The following GARRE1 variants were observed in gnomAD, a reference collection of about 807,000 sequenced individuals.
GARRE1 encodes granule associated Rac and RHOG effector 1.
A neutral mutation model predicts 103.2 loss-of-function variants in GARRE1; 49 were observed. That is an observed-to-expected ratio of 0.47 (90% CI 0.38 to 0.60). The LOEUF is 0.60. Among genes scored for constraint, GARRE1 ranks in the 20% least tolerant of loss-of-function variants. The probability of loss-of-function intolerance (pLI) is 0.00; values close to 1 mark genes in which losing one functional copy is unlikely to be tolerated. For missense variants in GARRE1, 1,199 were observed against 1,370.5 expected (o/e 0.87, Z 1.98); for synonymous variants, 505 against 532.8 (o/e 0.95, Z 0.72).
intron 2 of GARRE1, among the ~76,000 whole-genome samples, chr19:34,314,184 C>T (rs1017269423): frequency 2.6e-5 from 4 of 151,972 alleles, no homozygotes; most frequent in African/African-American, 9.7e-5. Context: ...CATTTTTTCC[C>T]TGGATGATAT....
At chr19:34,312,255 G>A (rs554164736) in intron 2 of GARRE1, among the ~76,000 whole-genome samples, 2 of 152,298 alleles carry the variant, frequency 1.3e-5, no homozygotes, top group African/African-American at 2.4e-5. Flanking sequence ...GGTAGCAGAC[G>A]TGACTAGAAG....
intron 8 of GARRE1, among the ~76,000 whole-genome samples, chr19:34,335,796 GT>G (rs1362984663): frequency 1.3e-5 from 2 of 152,108 alleles, no homozygotes; most frequent in African/African-American, 4.8e-5. Context: ...AAAGTGCTAG[GT>G]TTACAGGCGT....
intron 1 of GARRE1, among the ~76,000 whole-genome samples, chr19:34,277,903 C>T (rs1392458982): frequency 1.2e-3 from 2 of 1,676 alleles, no homozygotes; most frequent in Non-Finnish European, 3.5e-3. Flanking sequence ...TTGATTTCAC[C>T]CCCCCCCCCC....
Position 34,327,422 on chromosome 19 carries a change from C to A in GARRE1, c.707C>A (p.Ala236Glu). The change falls in exon 4 of 14, where the codon GCG (alanine) becomes GAG (glutamate). Residue 236 changes from alanine to glutamate, a missense_variant and splice_region_variant. Coordinates refer to ENST00000299505, the MANE Select transcript of GARRE1 (RefSeq NM_014686.5). ...TACCAGTTACTATATATGTTACAGG[C>A]GACATCTAGACTAAGAGAAAGAGGC... ...AVRSWRGAAE[A>E]TSRLRERGCD... 2 of 1,613,866 alleles carry A rather than the reference C, an allele frequency of 1.2e-6. No homozygotes were observed. Among genetic ancestry groups the A allele is most frequent in the Non-Finnish European group, 1.7e-6 (2 of 1,179,900 alleles).
intron 1 of GARRE1, among the ~76,000 whole-genome samples, chr19:34,298,488 G>A (rs1308022566): frequency 1.3e-5 from 2 of 151,730 alleles, no homozygotes; most frequent in Admixed American, 6.6e-5. Context: ...CGAGACGGGT[G>A]GATCACCTGA....
At chr19:34,298,048 T>C (rs1434738670) in intron 1 of GARRE1, among the ~76,000 whole-genome samples, 2 of 152,164 alleles carry the variant, frequency 1.3e-5, no homozygotes, top group Non-Finnish European at 2.9e-5. Flanking sequence ...CATTTAATTA[T>C]ATATTCAAAA....
At chr19:34,265,101 T>C (rs935416669) in intron 1 of GARRE1, among the ~76,000 whole-genome samples, 71 of 152,244 alleles carry the variant, frequency 4.7e-4, no homozygotes, top group Admixed American at 3.3e-3. Flanking sequence ...GAGCAAGATA[T>C]TACCTGAAAA....
At chr19:34,261,092 C>G (rs1294448772) in intron 1 of GARRE1, among the ~76,000 whole-genome samples, 2 of 152,178 alleles carry the variant, frequency 1.3e-5, no homozygotes, top group Non-Finnish European at 2.9e-5. Flanking sequence ...AGGGTCTCTC[C>G]CTTGCTTAGC....
In GARRE1 at chr19:34,333,790, C is replaced by G. The variant is rs1166161374; in HGVS notation, c.1350C>G (p.Val450=). The change falls in exon 8 of 14, where the codon GTC becomes GTG. Residue 450 remains valine (V), a synonymous_variant. Coordinates refer to ENST00000299505, the MANE Select transcript of GARRE1 (RefSeq NM_014686.5). ...SLEGSRIVVQ[V]PSTWCLKEDP... Reference sequence around the variant, plus strand: ...AAGGCTCTAGAATCGTGGTTCAAGTCCCATCCACATGGTAACGTGCCTCTT... The same window carrying G: ...AAGGCTCTAGAATCGTGGTTCAAGTGCCATCCACATGGTAACGTGCCTCTT... 6.3e-7 allele frequency: 1 copy of G among 1,592,536 alleles called. No individual in the cohort carries two copies. The highest frequency in any genetic ancestry group is 1.1e-5 in the South Asian group (1 of 90,528).
chr19:34,271,103 A>G (rs1245593105), intron 1 of GARRE1, among the ~76,000 whole-genome samples: 1 of 152,194 alleles, frequency 6.6e-6, no homozygotes, highest in Admixed American at 6.5e-5. Context: ...AATAAAGTAG[A>G]ATGTTTGGTT....
chr19:34,296,435 C>T, intron 1 of GARRE1: 1 of 1,587,732 alleles, frequency 6.3e-7, no homozygotes, highest in South Asian at 1.1e-5. Context: ...ACTTCCCAAG[C>T]TTGGGGTGGG....
chr19:34,321,615 G>A (rs1404947914), intron 3 of GARRE1, among the ~76,000 whole-genome samples: 4 of 151,912 alleles, frequency 2.6e-5, no homozygotes, highest in African/African-American at 4.8e-5. Flanking sequence ...CACCATGCCC[G>A]GCTAATTTTT....
intron 1 of GARRE1, among the ~76,000 whole-genome samples, chr19:34,263,766 C>T (rs1434938100): frequency 1.3e-5 from 2 of 152,100 alleles, no homozygotes; most frequent in East Asian, 1.9e-4. Context: ...GGATTACAGG[C>T]GCGAGTCACC....
intron 1 of GARRE1, among the ~76,000 whole-genome samples, chr19:34,271,469 C>T (rs540946257): frequency 6.6e-6 from 1 of 151,804 alleles, no homozygotes. Flanking sequence ...AGGCTGGTCT[C>T]GATCTCCTGA....
At chr19:34,290,874 C>CTTTT (rs71165641) in intron 1 of GARRE1, among the ~76,000 whole-genome samples, 4 of 63,214 alleles carry the variant, frequency 6.3e-5, no homozygotes, top group South Asian at 7.2e-4. Flanking sequence ...AAGCATATTG[C>CTTTT]TTTTTTTTTT....
intron 2 of GARRE1, among the ~76,000 whole-genome samples, chr19:34,301,513 CAAAAAAAAAAAAAAA>C (rs57777660): frequency 2.3e-5 from 2 of 85,402 alleles, no homozygotes; most frequent in South Asian, 3.8e-4. Flanking sequence ...GACCATGTCT[CAAAAAAAAAAAAAAA>C]AAAAAAAAAA....
intron 12 of GARRE1, among the ~76,000 whole-genome samples, chr19:34,351,282 G>A (rs2074235416): frequency 6.6e-6 from 1 of 151,958 alleles, no homozygotes. Flanking sequence ...ACCAGTGCCT[G>A]TCTTTGCCTG....
chr19:34,321,897 G>A (rs1385014857), intron 3 of GARRE1, among the ~76,000 whole-genome samples: 2 of 152,130 alleles, frequency 1.3e-5, no homozygotes, highest in South Asian at 2.1e-4. Flanking sequence ...GATAGAGAGC[G>A]CAGTGGTGTG....
At chr19:34,337,991 T>C (rs531128889) in intron 8 of GARRE1, among the ~76,000 whole-genome samples, 43 of 152,076 alleles carry the variant, frequency 2.8e-4, no homozygotes, top group Non-Finnish European at 5.1e-4. Context: ...CTCTGAGGAG[T>C]CCAAGGTCTA....
Sources: gnomAD v4.1 joint callset for allele counts (sites outside exome capture counted in the v4.1 genomes callset) on GRCh38, gnomAD v4.1.1 for gene constraint, MANE v1.5 for transcripts, NCBI Gene and HGNC (gene_info 2026-07-23, HGNC 2026-07-21) for gene names.